Variants in SAP130 observed in about 807,000 individuals in gnomAD.
SAP130 encodes the protein histone deacetylase complex subunit SAP130.
A neutral mutation model predicts 103.2 loss-of-function variants in SAP130; 16 were observed. That is an observed-to-expected ratio of 0.16 (90% CI 0.10 to 0.24). The LOEUF is 0.24. Ranked by LOEUF, SAP130 falls within the 10% of genes least tolerant of loss-of-function variation. SAP130 has a pLI of 1.00. For synonymous variants in SAP130, 477 were observed against 497.0 expected (o/e 0.96, Z 0.53); for missense variants, 990 against 1,359.7 (o/e 0.73, Z 4.28).
At chr2:128,001,852 A>C (rs2105098672) in intron 7 of SAP130, among the ~76,000 whole-genome samples, 1 of 152,346 alleles carries the variant, frequency 6.6e-6, no homozygotes, top group South Asian at 2.1e-4. Flanking sequence ...AAGCAAAAAA[A>C]AACCAAAACA....
Position 127,947,764 on chromosome 2 carries a change from C to CTGTGTGTGTGAGTGTGTGTGTGTGTGTG in SAP130, c.2797+2104_2797+2105insCACACACACACACACACTCACACACACA, listed in dbSNP as rs147211610. Among the ~76,000 whole-genome samples the CTGTGTGTGTGAGTGTGTGTGTGTGTGTG allele has an allele frequency of 4.8e-4, 69 of 143,422 alleles. 1 individual carries two copies. The highest frequency in any genetic ancestry group is 1.1e-3 in the South Asian group (5 of 4,446). The allele number at this position is 143,422 out of a possible 152,430, so 94.1% of individuals were successfully genotyped here. A position where few individuals can be genotyped will look rare whatever the true frequency, so the allele number is the denominator to read the frequency against. On this transcript the variant is annotated intron_variant, in intron 18 of 20. Coordinates refer to ENST00000643581, the MANE Select transcript of SAP130 (RefSeq NM_001330301.2). ...TGAATTAATTTTGTATTGTGTGTGT[C>CTGTGTGTGTGAGTGTGTGTGTGTGTGTG]TGTGTGTGTGTGTGTGTGTGTGTGT... is the stretch of plus-strand genomic sequence containing the variant.
chr2:127,996,566 GC>G lies in SAP130; in HGVS notation c.1214-76del, dbSNP rs2105061135. On this transcript the variant is annotated intron_variant, in intron 10 of 20. Transcript: ENST00000643581. This position sits in a 1 kb window ranked among gnomAD's most constrained non-coding sequence, Gnocchi z 4.3. Reference sequence around the variant, plus strand: ...CATGCCAAAACATTCTTGGCTAGCAGCAATCTTAGGAAAGCAAACAATTAAA... The same window carrying G: ...CATGCCAAAACATTCTTGGCTAGCAGAATCTTAGGAAAGCAAACAATTAAA... 1 of 1,300,304 alleles carries G rather than the reference GC, an allele frequency of 7.7e-7. No homozygotes were observed. The highest frequency in any genetic ancestry group is 2.9e-5 in the Admixed American group (1 of 34,184). 80.5% of individuals were successfully genotyped at this position (1,300,304 alleles called of 1,614,324 possible).
chr2:127,942,327 A>C lies in SAP130; in HGVS notation c.3015+97T>G. 1 of 1,082,264 alleles carries C rather than the reference A, an allele frequency of 9.2e-7. No individual in the cohort carries two copies. Among genetic ancestry groups the C allele is most frequent in the Non-Finnish European group, 1.4e-6 (1 of 716,094 alleles). 67.0% of individuals were successfully genotyped at this position (1,082,264 alleles called of 1,614,324 possible). A position where few individuals can be genotyped will look rare whatever the true frequency, so the allele number is the denominator to read the frequency against. On this transcript the variant is annotated intron_variant, in intron 20 of 20. Transcript: ENST00000643581. The surrounding 1 kb of genome is among the most constrained non-coding windows in gnomAD (Gnocchi z 4.8). ...GGCTGAAGCACGTATGTTTTTACTG[A>C]AGATATGAGGGAGACGGGGGGAAAC...
At chr2:128,015,941 A>C (rs1391971427) in intron 4 of SAP130, among the ~76,000 whole-genome samples, 1 of 72,332 alleles carries the variant, frequency 1.4e-5, no homozygotes, top group Non-Finnish European at 2.7e-5. Flanking sequence ...ATTCTGTCTC[A>C]AAAAAAAAAA....
Position 127,996,215 on chromosome 2 carries a change from T to C in SAP130, c.1355+135A>G, listed in dbSNP as rs369218680. ...ACATAAAAAAAGGAATTATACGAAG[T>C]GTTACTTTCAGGGGAAAATCTGAAA... On this transcript the variant is annotated intron_variant, in intron 11 of 20. Transcript: ENST00000643581. This position sits in a 1 kb window ranked among gnomAD's most constrained non-coding sequence, Gnocchi z 4.3. 3.3e-4 allele frequency: 272 copies of C among 816,068 alleles called. 2 individuals carry two copies. The South Asian group carries it at 6.5e-3, about 20-fold the overall frequency. 50.6% of individuals were successfully genotyped at this position (816,068 alleles called of 1,614,324 possible). A position where few individuals can be genotyped will look rare whatever the true frequency, so the allele number is the denominator to read the frequency against.
intron 15 of SAP130, among the ~76,000 whole-genome samples, chr2:127,960,994 T>C (rs573190344): frequency 8.3e-4 from 117 of 140,892 alleles, no homozygotes; most frequent in African/African-American, 3.0e-3. Context: ...TCTTTCTTTC[T>C]TTTTTTTTTT....
chr2:127,943,137 C>T (rs1678823299), intron 19 of SAP130, among the ~76,000 whole-genome samples: 1 of 152,320 alleles, frequency 6.6e-6, no homozygotes, highest in Non-Finnish European at 1.5e-5. Context: ...TTCTGAAACA[C>T]AAGTCTCCAA....
chr2:127,985,817 C>A (rs1682340482), intron 14 of SAP130, among the ~76,000 whole-genome samples: 1 of 151,884 alleles, frequency 6.6e-6, no homozygotes, highest in Non-Finnish European at 1.5e-5. Context: ...GAGACCCTAG[C>A]AGACAGGCAC....
In SAP130 at chr2:127,986,140, C is replaced by T. The variant is rs115311927; in HGVS notation, c.1958+645G>A. ...GGCAAGAACCCTGGGATACAGAAAG[C>T]TCTCTGTCCTTGCCATAAGGCAGGG... On this transcript the variant is annotated intron_variant, in intron 14 of 20. Coordinates refer to ENST00000643581, the MANE Select transcript of SAP130 (RefSeq NM_001330301.2). The surrounding 1 kb of genome is among the most constrained non-coding windows in gnomAD (Gnocchi z 4.7). 6.6e-6 allele frequency among the ~76,000 whole-genome samples: 1 copy of T among 152,232 alleles called. No homozygotes were observed. The highest frequency in any genetic ancestry group is 2.4e-5 in the African/African-American group (1 of 41,458).
chr2:127,985,777 C>T (rs988522381), intron 14 of SAP130, among the ~76,000 whole-genome samples: 18 of 152,086 alleles, frequency 1.2e-4, no homozygotes, highest in East Asian at 9.7e-4. Context: ...TGGCCTGCTA[C>T]GCCCTGATCC....
intron 15 of SAP130, among the ~76,000 whole-genome samples, chr2:127,957,491 A>G (rs986828387): frequency 2.6e-5 from 4 of 152,156 alleles, no homozygotes; most frequent in Non-Finnish European, 5.9e-5. Context: ...CCTAGTTAAC[A>G]TAGGGAAACC....
intron 11 of SAP130, among the ~76,000 whole-genome samples, chr2:127,995,143 C>G (rs1458798336): frequency 2.0e-5 from 3 of 152,148 alleles, no homozygotes; most frequent in Non-Finnish European, 4.4e-5. Flanking sequence ...CTCAAATGTT[C>G]TTAAAATATT....
At chr2:127,976,288 A>C (rs1428359442) in intron 15 of SAP130, among the ~76,000 whole-genome samples, 2 of 152,186 alleles carry the variant, frequency 1.3e-5, no homozygotes, top group Admixed American at 6.5e-5. Context: ...CTTCTCAGAG[A>C]AGCCTTTTTC....
chr2:127,993,352 T>C (rs1038565214), intron 11 of SAP130, 44 bp from the exon 12 acceptor site: 2 of 1,560,304 alleles, frequency 1.3e-6, no homozygotes, highest in African/African-American at 1.4e-5. Context: ...GTCATTTTCT[T>C]CTTTACTTTC....
Position 127,942,041 on chromosome 2 carries a change from T to C in SAP130, c.3139A>G (p.Lys1047Glu), listed in dbSNP as rs555399742. ...KLLNKNGTVK[K>E]VSKLKRKEKV ...TCCTTTCGCTTCAATTTGGACACTT[T>C]TTTGACAGTCCCGTTCTTGTTAAGC... Residue 1047 changes from lysine (K) to glutamate (E), a missense_variant, in exon 21 of 21, where the codon AAA becomes GAA. By Grantham distance (56) the Lys-to-Glu change is moderately conservative. Coordinates refer to ENST00000643581, the MANE Select transcript of SAP130 (RefSeq NM_001330301.2). The surrounding 1 kb of genome is among the most constrained non-coding windows in gnomAD (Gnocchi z 4.8). The C allele has an allele frequency of 6.2e-7, 1 of 1,608,396 alleles. No individual in the cohort carries two copies. Among genetic ancestry groups the C allele is most frequent in the South Asian group, 1.1e-5 (1 of 90,488 alleles).
At chr2:127,962,688 T>C (rs897216443) in intron 15 of SAP130, among the ~76,000 whole-genome samples, 3 of 121,900 alleles carry the variant, frequency 2.5e-5, no homozygotes, top group African/African-American at 9.7e-5. Context: ...TGAGAACACA[T>C]GGACACAGGA....
At chr2:128,023,550 C>T (rs185593548) in intron 2 of SAP130, among the ~76,000 whole-genome samples, 2 of 152,162 alleles carry the variant, frequency 1.3e-5, no homozygotes, top group East Asian at 1.9e-4. Flanking sequence ...GAGGCTGAGG[C>T]GGGCAGATCA....
intron 16 of SAP130, 134 bp from the exon 17 acceptor site, chr2:127,950,542 G>T: frequency 2.0e-6 from 2 of 1,025,620 alleles, no homozygotes; most frequent in Non-Finnish European, 2.8e-6. Context: ...TATGTGTCTG[G>T]CACTGTGCTA....
intron 15 of SAP130, among the ~76,000 whole-genome samples, chr2:127,956,273 T>C (rs905842762): frequency 1.3e-5 from 2 of 152,238 alleles, no homozygotes; most frequent in Non-Finnish European, 2.9e-5. Flanking sequence ...CTTATGCTTC[T>C]GTTCCATTTG....
Sources: gnomAD v4.1 joint callset for allele counts (sites outside exome capture counted in the v4.1 genomes callset) on GRCh38, gnomAD v4.1.1 for gene constraint, Gnocchi (gnomAD v3.1) non-coding constraint, MANE v1.5 for transcripts, NCBI Gene and HGNC (gene_info 2026-07-23, HGNC 2026-07-21) for gene names.